DCC: variants seen among roughly 807,000 people sequenced by gnomAD.
DCC encodes the protein DCC netrin 1 receptor.
Under a neutral mutation model 172.5 loss-of-function variants are expected in DCC, and 58 were observed. That is an observed-to-expected ratio of 0.34 (90% CI 0.27 to 0.42). The LOEUF (loss-of-function observed/expected upper bound fraction) is 0.42. Ranked by LOEUF, DCC falls within the 10% of genes least tolerant of loss-of-function variation. The pLI, the probability that DCC is intolerant of heterozygous loss-of-function variation, is 1.00. For synonymous variants in DCC, 709 were observed against 644.5 expected (o/e 1.10, Z -1.52); for missense variants, 1,740 against 1,791.0 (o/e 0.97, Z 0.51).
intron 2 of DCC, among the ~76,000 whole-genome samples, chr18:52,819,887 T>G (rs1426838720): frequency 6.6e-6 from 1 of 150,944 alleles, no homozygotes; most frequent in Non-Finnish European, 1.5e-5. Flanking sequence ...CCCAGCTAAT[T>G]TTTTTTTTAT....
At chr18:52,421,767 C>G in intron 1 of DCC, among the ~76,000 whole-genome samples, 1 of 152,176 alleles carries the variant, frequency 6.6e-6, no homozygotes, top group Non-Finnish European at 1.5e-5. Context: ...GAGAGACCAA[C>G]AGAATGGTAA....
intron 7 of DCC, among the ~76,000 whole-genome samples, chr18:53,142,576 C>T (rs946286548): frequency 6.6e-6 from 1 of 152,124 alleles, no homozygotes; most frequent in African/African-American, 2.4e-5. Context: ...ATTTAAGCAA[C>T]AGTCCCTACC....
At chr18:52,539,569 G>T (rs1054888349) in intron 1 of DCC, among the ~76,000 whole-genome samples, 1 of 152,176 alleles carries the variant, frequency 6.6e-6, no homozygotes, top group African/African-American at 2.4e-5. Context: ...CATCTTATGA[G>T]AATCTAATGC....
At chr18:52,550,130 T>C (rs2032727963) in intron 1 of DCC, among the ~76,000 whole-genome samples, 1 of 151,954 alleles carries the variant, frequency 6.6e-6, no homozygotes, top group Non-Finnish European at 1.5e-5. Context: ...ACCTCTGTGT[T>C]CTTTCTCTCT....
chr18:52,744,060 A>C, intron 1 of DCC, among the ~76,000 whole-genome samples: 1 of 152,184 alleles, frequency 6.6e-6, no homozygotes, highest in South Asian at 2.1e-4. Flanking sequence ...CTTAAGAAGG[A>C]ATTTCATGGA....
At chr18:52,392,140 C>A (rs1156921970) in intron 1 of DCC, among the ~76,000 whole-genome samples, 3 of 152,142 alleles carry the variant, frequency 2.0e-5, no homozygotes, top group Non-Finnish European at 4.4e-5. Flanking sequence ...AATTATGCTT[C>A]AGAATCAACG....
intron 1 of DCC, among the ~76,000 whole-genome samples, chr18:52,588,372 T>G (rs937990562): frequency 1.6e-4 from 25 of 152,132 alleles, no homozygotes; most frequent in Non-Finnish European, 1.5e-5. Context: ...TGGACCCCAC[T>G]CAAAACTGGC....
At chr18:52,342,844 G>C (rs72914960) in intron 1 of DCC, among the ~76,000 whole-genome samples, 23,423 of 150,914 alleles carry the variant, frequency 0.16, 2,254 homozygotes, top group South Asian at 0.25. Context: ...ATTTATGTGC[G>C]TTTTATTAAT....
chr18:52,798,312 TAG>T (rs1338712216), intron 2 of DCC, among the ~76,000 whole-genome samples: 1 of 152,224 alleles, frequency 6.6e-6, no homozygotes, highest in Non-Finnish European at 1.5e-5. Flanking sequence ...TACTGAGTGG[TAG>T]AAGTAGCAGA....
intron 5 of DCC, among the ~76,000 whole-genome samples, chr18:52,929,717 C>G (rs1226171253): frequency 6.6e-6 from 1 of 151,686 alleles, no homozygotes; most frequent in Admixed American, 6.6e-5. Flanking sequence ...TAAAAGTTGA[C>G]ATGTTTATGG....
chr18:53,296,375 ACT>A (rs576646392), intron 12 of DCC, among the ~76,000 whole-genome samples: 9 of 152,074 alleles, frequency 5.9e-5, no homozygotes, highest in African/African-American at 2.2e-4. Context: ...ATGTGCCAGC[ACT>A]CTGATGGAAC....
intron 12 of DCC, among the ~76,000 whole-genome samples, chr18:53,232,601 G>A (rs954655888): frequency 6.6e-6 from 1 of 152,062 alleles, no homozygotes; most frequent in African/African-American, 2.4e-5. Context: ...ACCTCTCAGG[G>A]TACCTTGTGT....
At chr18:52,558,062 T>G (rs535136388) in intron 1 of DCC, among the ~76,000 whole-genome samples, 1 of 152,270 alleles carries the variant, frequency 6.6e-6, no homozygotes, top group Admixed American at 6.5e-5. Context: ...AATTTTAATT[T>G]GTGAGCTTTT....
chr18:53,281,635 G>T (rs1202335419), intron 12 of DCC, among the ~76,000 whole-genome samples: 1 of 152,096 alleles, frequency 6.6e-6, no homozygotes, highest in Non-Finnish European at 1.5e-5. Context: ...GCTGGGACTG[G>T]CTCATATGAG....
intron 1 of DCC, among the ~76,000 whole-genome samples, chr18:52,377,849 T>C (rs979593678): frequency 6.6e-5 from 10 of 151,824 alleles, no homozygotes; most frequent in Admixed American, 1.3e-4. Context: ...TGGGATTACA[T>C]GCATGCACCG....
At chr18:53,341,469 A>G (rs1417430803) in intron 15 of DCC, among the ~76,000 whole-genome samples, 1 of 152,180 alleles carries the variant, frequency 6.6e-6, no homozygotes, top group Non-Finnish European at 1.5e-5. Flanking sequence ...TATTCTAAAG[A>G]GCTAGGAATA....
At chr18:52,481,453 G>A (rs761393511) in intron 1 of DCC, among the ~76,000 whole-genome samples, 3 of 152,060 alleles carry the variant, frequency 2.0e-5, no homozygotes, top group Admixed American at 2.0e-4. Context: ...TCCCTCTATT[G>A]CTGTACTACC....
At chr18:53,073,226 TAAAA>T (rs111946315) in intron 7 of DCC, among the ~76,000 whole-genome samples, 8 of 150,878 alleles carry the variant, frequency 5.3e-5, no homozygotes, top group African/African-American at 1.5e-4. Flanking sequence ...GGAAGACAAA[TAAAA>T]AAAAATAAAA....
intron 1 of DCC, among the ~76,000 whole-genome samples, chr18:52,736,425 T>C (rs554605982): frequency 1.3e-5 from 2 of 152,216 alleles, no homozygotes; most frequent in South Asian, 4.1e-4. Context: ...TGCAAGAGAA[T>C]GGATCTTGCT....
Sources: allele counts gnomAD v4.1 joint callset (sites outside exome capture counted in the v4.1 genomes callset), GRCh38; gene constraint gnomAD v4.1.1; transcripts MANE v1.5; gene names NCBI Gene and HGNC (gene_info 2026-07-23, HGNC 2026-07-21).